The following TMC1 variants were observed in gnomAD, a reference collection of about 807,000 sequenced individuals.
TMC1 encodes transmembrane channel like 1, also known as transmembrane channel-like protein 1.
A neutral mutation model predicts 105.8 loss-of-function variants in TMC1; 84 were observed. The observed-to-expected ratio is 0.79, with a 90% confidence interval of 0.67 to 0.95. The LOEUF is 0.95. TMC1 is among the 40% of genes least tolerant of loss of function. The pLI is 0.00. For synonymous variants in TMC1, 315 were observed against 311.5 expected (o/e 1.01, Z -0.12); for missense variants, 817 against 914.1 (o/e 0.89, Z 1.37).
At chr9:72,765,490 C>T (rs985143722) in intron 12 of TMC1, among the ~76,000 whole-genome samples, 3 of 151,328 alleles carry the variant, frequency 2.0e-5, no homozygotes, top group African/African-American at 7.3e-5. Flanking sequence ...ATGGGGCAGG[C>T]AATTGGGAAG....
rs137894799 is a variant in TMC1 at position 72,613,411 on chromosome 9, T to A, written c.-305-2957T>A. On this transcript the variant is annotated intron_variant, in intron 2 of 23. Transcript: ENST00000297784. ...AAAGTGCTGGGATTACAGGTGTGAG[T>A]CACTGCTCCCAGCCCAGAAATTGAT... 2.0e-3 allele frequency among the ~76,000 whole-genome samples: 307 copies of A among 152,184 alleles called. 5 individuals carry two copies. Among genetic ancestry groups the A allele is most frequent in the African/African-American group, 7.2e-3 (297 of 41,532 alleles).
At chr9:72,761,605 T>A (rs545855245) in intron 12 of TMC1, among the ~76,000 whole-genome samples, 1 of 152,328 alleles carries the variant, frequency 6.6e-6, no homozygotes, top group Admixed American at 6.5e-5. Context: ...TCATAACAAC[T>A]GTTTAAGATG....
At chr9:72,816,605 A>G (rs752752773) in intron 19 of TMC1, among the ~76,000 whole-genome samples, 5 of 152,224 alleles carry the variant, frequency 3.3e-5, no homozygotes, top group Non-Finnish European at 7.3e-5. Flanking sequence ...TCACTACTAA[A>G]TATATTTAAA....
At chr9:72,794,717 G>A (rs1828333647) in intron 17 of TMC1, among the ~76,000 whole-genome samples, 1 of 152,204 alleles carries the variant, frequency 6.6e-6, no homozygotes, top group Admixed American at 6.5e-5. Flanking sequence ...AATGACCAGA[G>A]TATTGTATGT....
At chr9:72,679,393 C>T (rs897500093) in intron 5 of TMC1, among the ~76,000 whole-genome samples, 1 of 152,028 alleles carries the variant, frequency 6.6e-6, no homozygotes, top group Non-Finnish European at 1.5e-5. Flanking sequence ...CATCCACCTT[C>T]TTCTGTTTCC....
At chr9:72,574,462 T>G (rs1457664543) in intron 1 of TMC1, among the ~76,000 whole-genome samples, 1 of 152,224 alleles carries the variant, frequency 6.6e-6, no homozygotes, top group Non-Finnish European at 1.5e-5. Flanking sequence ...CTGCTCCCAT[T>G]TCAGAAAGCA....
chr9:72,657,734 A>T (rs1825906156), intron 5 of TMC1, among the ~76,000 whole-genome samples: 1 of 152,116 alleles, frequency 6.6e-6, no homozygotes, highest in South Asian at 2.1e-4. Context: ...TCTTGGAGAA[A>T]CTTGAAGAAG....
chr9:72,717,456 C>G (rs1449715121), intron 8 of TMC1, among the ~76,000 whole-genome samples: 1 of 152,096 alleles, frequency 6.6e-6, no homozygotes, highest in African/African-American at 2.4e-5. Flanking sequence ...TGGTTCGTTT[C>G]AATATTTAGA....
intron 8 of TMC1, among the ~76,000 whole-genome samples, chr9:72,725,934 C>A (rs34225453): frequency 0.024 from 3,691 of 152,244 alleles, 79 homozygotes; most frequent in Middle Eastern, 0.044. Context: ...TCGTGATCCA[C>A]CCGCCTCAGC....
intron 17 of TMC1, among the ~76,000 whole-genome samples, chr9:72,801,983 C>T (rs1454283540): frequency 2.0e-5 from 3 of 152,124 alleles, no homozygotes; most frequent in African/African-American, 4.8e-5. Context: ...GACTTCCAAA[C>T]CACTCTGAAA....
chr9:72,774,775 G>A (rs1182297010), intron 13 of TMC1, among the ~76,000 whole-genome samples: 3 of 152,138 alleles, frequency 2.0e-5, no homozygotes, highest in Non-Finnish European at 2.9e-5. Context: ...GCCCATGGGA[G>A]AATATTCAGT....
chr9:72,648,283 A>G (rs759530273), intron 4 of TMC1, among the ~76,000 whole-genome samples: 4 of 152,224 alleles, frequency 2.6e-5, no homozygotes, highest in Non-Finnish European at 5.9e-5. Flanking sequence ...GGATAAAACC[A>G]TAGAATGGAA....
intron 13 of TMC1, 66 bp downstream of exon 13, chr9:72,772,621 G>C (rs1045122344): frequency 5.0e-6 from 8 of 1,598,398 alleles, no homozygotes; most frequent in Non-Finnish European, 6.9e-6. Flanking sequence ...GGATTAATTT[G>C]GGGATTGGAT....
rs757833291 is a variant in TMC1, at chr9:72,606,996, T to TAGAGAGAGAGAG, written c.-305-9371_-305-9370insGAGAGAGAGAGA. Among the ~76,000 whole-genome samples the TAGAGAGAGAGAG allele has an allele frequency of 3.1e-3, 309 of 99,866 alleles. 3 individuals are homozygous for TAGAGAGAGAGAG. The highest frequency in any genetic ancestry group is 4.4e-3 in the Non-Finnish European group (206 of 46,624). 65.5% of individuals were successfully genotyped at this position (99,866 alleles called of 152,430 possible). On this transcript the variant is annotated intron_variant, in intron 2 of 23. Coordinates refer to ENST00000297784, the MANE Select transcript of TMC1 (RefSeq NM_138691.3). Reference sequence around the variant, plus strand: ...GTGTGTGTGTGCATATATATATATATATATATAGAGAGAGAGAGAGAGAGA... The same window carrying TAGAGAGAGAGAG: ...GTGTGTGTGTGCATATATATATATATAGAGAGAGAGAGATATATAGAGAGAGAGAGAGAGAGA...
chr9:72,610,377 G>T (rs549076216), intron 2 of TMC1, among the ~76,000 whole-genome samples: 1 of 152,234 alleles, frequency 6.6e-6, no homozygotes, highest in African/African-American at 2.4e-5. Context: ...AGAGACCCAG[G>T]AGAACCTATG....
intron 3 of TMC1, among the ~76,000 whole-genome samples, chr9:72,624,279 G>C (rs1825307529): frequency 6.6e-6 from 1 of 152,094 alleles, no homozygotes; most frequent in South Asian, 2.1e-4. Flanking sequence ...GCTAAAGACG[G>C]CCCGGCTAAA....
chr9:72,706,545 C>A (rs1826742221), intron 8 of TMC1, among the ~76,000 whole-genome samples: 1 of 152,066 alleles, frequency 6.6e-6, no homozygotes, highest in South Asian at 2.1e-4. Context: ...ACACTGAACC[C>A]AATTTGTAGT....
chr9:72,791,837 A>C, intron 15 of TMC1, 49 bp from the exon 16 acceptor site: 1 of 1,545,676 alleles, frequency 6.5e-7, no homozygotes. Context: ...AAAAGCAATA[A>C]TAACTTTAAA....
intron 2 of TMC1, among the ~76,000 whole-genome samples, chr9:72,609,476 G>T (rs1824986647): frequency 6.6e-6 from 1 of 152,168 alleles, no homozygotes; most frequent in Admixed American, 6.6e-5. Flanking sequence ...GGAGGCAGAG[G>T]TTGTAGTGAG....
Sources: gnomAD v4.1 joint callset for allele counts (sites outside exome capture counted in the v4.1 genomes callset) on GRCh38, gnomAD v4.1.1 for gene constraint, MANE v1.5 for transcripts, NCBI Gene and HGNC (gene_info 2026-07-23, HGNC 2026-07-21) for gene names.